C10orf53: variants seen among roughly 807,000 people sequenced by gnomAD.
C10orf53 encodes UPF0728 protein C10orf53.
In C10orf53, 8 loss-of-function variants were observed where a neutral mutation model predicts 9.4. That is an observed-to-expected ratio of 0.85 (90% CI 0.50 to 1.53). C10orf53 has a LOEUF of 1.53. Ranked by LOEUF, C10orf53 falls within the 40% of genes most tolerant of loss-of-function variation. C10orf53 has a pLI of 0.00. For missense variants in C10orf53, 117 were observed against 117.8 expected (o/e 0.99, Z 0.03); for synonymous variants, 48 against 46.0 (o/e 1.04, Z -0.18).
chr10:49,709,757 A>G (rs2132895719), exon 3 of C10orf53: 1 of 152,474 alleles, frequency 6.6e-6, no homozygotes, highest in African/African-American at 2.4e-5. Flanking sequence ...CAGGCCTTTC[A>G]CATTTACAGG....
chr10:49,681,629 T>C (rs746731224), intron 1 of C10orf53, among the ~76,000 whole-genome samples: 8 of 152,192 alleles, frequency 5.3e-5, no homozygotes, highest in Non-Finnish European at 1.0e-4. Flanking sequence ...GTCTAAAGGC[T>C]AAAAGTCCCT....
At chr10:49,682,248 A>C (rs1429464520) in intron 1 of C10orf53, among the ~76,000 whole-genome samples, 1 of 152,172 alleles carries the variant, frequency 6.6e-6, no homozygotes, top group Non-Finnish European at 1.5e-5. Flanking sequence ...TTAAGCAACA[A>C]CACCCTATCC....
chr10:49,681,945 G>A (rs1467114147), intron 1 of C10orf53, among the ~76,000 whole-genome samples: 1 of 152,176 alleles, frequency 6.6e-6, no homozygotes, highest in Admixed American at 6.5e-5. Context: ...GTGTTGCATG[G>A]TGATGTTTAA....
At chr10:49,694,476 T>C (rs940210957) in intron 2 of C10orf53, 62 bp from the exon 3 acceptor site, 36 of 1,603,366 alleles carry the variant, frequency 2.2e-5, no homozygotes, top group Non-Finnish European at 3.0e-5. Flanking sequence ...CATAGGTATG[T>C]CTGATATGAT....
chr10:49,708,251 C>A, intron 2 of C10orf53: 1 of 1,485,480 alleles, frequency 6.7e-7, no homozygotes, highest in Non-Finnish European at 9.0e-7. Flanking sequence ...GTTTGTATAC[C>A]TGAAAAGTCC....
At chr10:49,692,384 G>A (rs1428576325) in intron 1 of C10orf53, among the ~76,000 whole-genome samples, 4 of 152,120 alleles carry the variant, frequency 2.6e-5, no homozygotes, top group South Asian at 2.1e-4. Flanking sequence ...AATTAAAATC[G>A]CGCAATTAAA....
exon 3 of C10orf53, chr10:49,710,202 C>A (rs1230418976): frequency 1.3e-5 from 2 of 152,146 alleles, no homozygotes; most frequent in Non-Finnish European, 2.9e-5. Context: ...GGACACAACA[C>A]CCAACAGTTG....
At chr10:49,706,713 G>A (rs571067972) in intron 2 of C10orf53, among the ~76,000 whole-genome samples, 3 of 152,254 alleles carry the variant, frequency 2.0e-5, no homozygotes, top group Admixed American at 1.3e-4. Context: ...AGTTTAAATG[G>A]ATGAATTGTA....
chr10:49,705,990 G>A (rs534306106), intron 2 of C10orf53, among the ~76,000 whole-genome samples: 54 of 152,216 alleles, frequency 3.5e-4, no homozygotes, highest in Admixed American at 1.2e-3. Context: ...TACAAATTAC[G>A]ACAAGCACAG....
In C10orf53 at chr10:49,694,767, C is replaced by A; in HGVS notation, c.*165C>A. 1 of 1,424,690 alleles carries A rather than the reference C, an allele frequency of 7.0e-7. No homozygotes were observed. The highest frequency in any genetic ancestry group is 9.2e-7 in the Non-Finnish European group (1 of 1,091,990). 88.3% of individuals were successfully genotyped at this position (1,424,690 alleles called of 1,614,324 possible). On this transcript the variant is annotated 3_prime_UTR_variant, in exon 3 of 3. Transcript: ENST00000374111. ...AGCTTACGCAGCCTCAGGATTGTCA[C>A]CTGGCTGCACAGGAGCCCACAGAAA... is the stretch of plus-strand genomic sequence containing the variant.
chr10:49,682,059 TTTAG>T (rs1415304550), intron 1 of C10orf53, among the ~76,000 whole-genome samples: 1 of 152,220 alleles, frequency 6.6e-6, no homozygotes, highest in African/African-American at 2.4e-5. Flanking sequence ...ATAATCTACC[TTTAG>T]TTTATGTTCA....
intron 1 of C10orf53, among the ~76,000 whole-genome samples, chr10:49,682,544 AGCC>A: frequency 8.0e-4 from 1 of 1,252 alleles, no homozygotes; most frequent in Admixed American, 0.022. Context: ...GGGGGACAGG[AGCC>A]AGTTGCTGCT....
chr10:49,681,999 C>T (rs1199824814), intron 1 of C10orf53, among the ~76,000 whole-genome samples: 1 of 152,172 alleles, frequency 6.6e-6, no homozygotes, highest in Non-Finnish European at 1.5e-5. Flanking sequence ...AAATAAGTGA[C>T]TTTTCTCTTC....
At chr10:49,708,193 G>A (rs1840735818) in intron 2 of C10orf53, among the ~76,000 whole-genome samples, 1 of 152,156 alleles carries the variant, frequency 6.6e-6, no homozygotes, top group Non-Finnish European at 1.5e-5. Context: ...TCATCTTCAA[G>A]CAGTTTAAGC....
intron 1 of C10orf53, among the ~76,000 whole-genome samples, chr10:49,688,924 C>A (rs1840555165): frequency 6.6e-6 from 1 of 152,138 alleles, no homozygotes; most frequent in Non-Finnish European, 1.5e-5. Flanking sequence ...CTTCTTCTTG[C>A]TCGTAATTAC....
chr10:49,680,964 A>G (rs1193327421), intron 1 of C10orf53, among the ~76,000 whole-genome samples: 1 of 152,202 alleles, frequency 6.6e-6, no homozygotes, highest in Non-Finnish European at 1.5e-5. Context: ...ATAGTCCCCA[A>G]CTTAGACTTC....
intron 1 of C10orf53, among the ~76,000 whole-genome samples, chr10:49,688,635 T>C: frequency 1.0e-5 from 1 of 99,514 alleles, no homozygotes; most frequent in Non-Finnish European, 2.0e-5. Context: ...CCCCCTCATC[T>C]CACCCCCTCC....
chr10:49,700,660 G>A (rs906402777), downstream of C10orf53, among the ~76,000 whole-genome samples: 1 of 152,190 alleles, frequency 6.6e-6, no homozygotes, highest in Non-Finnish European at 1.5e-5. Flanking sequence ...ATGTGGAGAT[G>A]TCAACTCTTT....
At position 49,693,894 on chromosome 10, in the gene C10orf53, G is replaced by C; in HGVS notation, c.217+1G>C. On this transcript the variant is annotated splice_donor_variant, in intron 2 of 2. Transcript: ENST00000374111. LOFTEE classifies it high-confidence loss of function. ...TGCAACATTAAGGACTTGGAGTTCG[G>C]TAAGCCCTTTGGCGATGCTTCCAGC... The C allele has an allele frequency of 6.2e-7, 1 of 1,614,254 alleles. No homozygotes were observed. Among genetic ancestry groups the C allele is most frequent in the Non-Finnish European group, 8.5e-7 (1 of 1,180,044 alleles).
Sources: allele counts gnomAD v4.1 joint callset (sites outside exome capture counted in the v4.1 genomes callset), GRCh38; gene constraint gnomAD v4.1.1; transcripts MANE v1.5; gene names NCBI Gene and HGNC (gene_info 2026-07-23, HGNC 2026-07-21).